The following EIF3H variants were observed in gnomAD, a reference collection of about 807,000 sequenced individuals.
EIF3H encodes the protein eIF-3-gamma.
Under a neutral mutation model 44.2 loss-of-function variants are expected in EIF3H, and 26 were observed. The ratio of observed to expected loss-of-function variants is 0.59; its 90% CI spans 0.43 to 0.82. EIF3H has a LOEUF of 0.82. Ranked by LOEUF, EIF3H falls within the 40% of genes least tolerant of loss-of-function variation. The pLI, the probability that EIF3H is intolerant of heterozygous loss-of-function variation, is 0.00. For synonymous variants in EIF3H, 166 were observed against 151.9 expected (o/e 1.09, Z -0.68); for missense variants, 359 against 432.8 (o/e 0.83, Z 1.51).
intron 1 of EIF3H, among the ~76,000 whole-genome samples, chr8:116,740,234 T>G (rs574194710): frequency 2.0e-5 from 3 of 152,342 alleles, no homozygotes; most frequent in African/African-American, 7.2e-5. Flanking sequence ...AAACACTTCT[T>G]AATTTATGTC....
At chr8:116,684,973 A>T (rs1369352734) in intron 2 of EIF3H, among the ~76,000 whole-genome samples, 1 of 152,228 alleles carries the variant, frequency 6.6e-6, no homozygotes, top group Admixed American at 6.5e-5. Flanking sequence ...ATTTATTCGT[A>T]AGGGATACTT....
At chr8:116,662,276 T>A (rs1813596862) in intron 2 of EIF3H, among the ~76,000 whole-genome samples, 2 of 152,102 alleles carry the variant, frequency 1.3e-5, no homozygotes, top group African/African-American at 4.8e-5. Flanking sequence ...ACTTTTTTTT[T>A]AAGTGCCCTC....
chr8:116,678,123 GCGATTGCA>G (rs1221774090), intron 2 of EIF3H, among the ~76,000 whole-genome samples: 52 of 150,380 alleles, frequency 3.5e-4, no homozygotes, highest in African/African-American at 1.3e-3. Context: ...CCGAGTGCCT[GCGATTGCA>G]GGCGCGCGCC....
intron 3 of EIF3H, among the ~76,000 whole-genome samples, chr8:116,658,013 A>C (rs1218377876): frequency 6.6e-6 from 1 of 152,232 alleles, no homozygotes; most frequent in Non-Finnish European, 1.5e-5. Flanking sequence ...GCAATAGGTG[A>C]TAAAATGAAA....
At chr8:116,694,274 A>G (rs1814229716) in intron 2 of EIF3H, among the ~76,000 whole-genome samples, 1 of 152,188 alleles carries the variant, frequency 6.6e-6, no homozygotes, top group Non-Finnish European at 1.5e-5. Context: ...TCATGCTATA[A>G]AACTTTTAAT....
intron 2 of EIF3H, among the ~76,000 whole-genome samples, chr8:116,680,134 G>C (rs1586452062): frequency 1.6e-5 from 1 of 61,940 alleles, no homozygotes; most frequent in Admixed American, 1.2e-4. Flanking sequence ...GGGCGCCTCT[G>C]CCCGGCCGCC....
At chr8:116,751,858 G>T (rs531889656) in intron 1 of EIF3H, among the ~76,000 whole-genome samples, 1 of 152,280 alleles carries the variant, frequency 6.6e-6, no homozygotes, top group African/African-American at 2.4e-5. Flanking sequence ...CAATTCAGAT[G>T]AGGAAAATGA....
chr8:116,704,920 C>T (rs771220571), intron 2 of EIF3H, among the ~76,000 whole-genome samples: 4 of 152,028 alleles, frequency 2.6e-5, no homozygotes, highest in Non-Finnish European at 5.9e-5. Flanking sequence ...GTGATAGTGG[C>T]CAAAGGTACA....
At chr8:116,724,742 A>G (rs1176236946) in intron 2 of EIF3H, among the ~76,000 whole-genome samples, 1 of 152,210 alleles carries the variant, frequency 6.6e-6, no homozygotes, top group Non-Finnish European at 1.5e-5. Flanking sequence ...TGAGATGATC[A>G]CCTCACATCT....
chr8:116,744,224 A>AAC (rs1032901382), intron 1 of EIF3H, among the ~76,000 whole-genome samples: 20 of 151,710 alleles, frequency 1.3e-4, no homozygotes, highest in African/African-American at 4.8e-4. Flanking sequence ...TAAAAAAAAA[A>AAC]AAAACAAACA....
intron 1 of EIF3H, among the ~76,000 whole-genome samples, chr8:116,733,233 G>C (rs1467587725): frequency 6.6e-6 from 1 of 152,232 alleles, no homozygotes; most frequent in African/African-American, 2.4e-5. Context: ...TTAGGGGGCA[G>C]AGCTTCTCTG....
chr8:116,716,570 TCTTTAA>T (rs149213793), intron 2 of EIF3H, among the ~76,000 whole-genome samples: 165 of 152,208 alleles, frequency 1.1e-3, no homozygotes, highest in African/African-American at 3.8e-3. Context: ...ACTGCCTTAT[TCTTTAA>T]CTTTACAGGA....
Position 116,642,455 on chromosome 8 carries a change from A to G in EIF3H, c.*2551T>C, listed in dbSNP as rs1586426727. On this transcript the variant is annotated 3_prime_UTR_variant, in exon 8 of 8. Transcript: ENST00000521861. The stretch of plus-strand genomic sequence containing the variant: ...ATTATTTTAGTTTAAGTTGATATTA[A>G]AAACACATTGGGAGCAGGAATCCAT... The G allele has an allele frequency of 6.6e-6, 1 of 152,222 alleles. No homozygotes were observed. Among genetic ancestry groups the G allele is most frequent in the Non-Finnish European group, 1.5e-5 (1 of 68,040 alleles). 9.4% of individuals were successfully genotyped at this position (152,222 alleles called of 1,614,324 possible). A position where few individuals can be genotyped will look rare whatever the true frequency, so the allele number is the denominator to read the frequency against.
At chr8:116,649,712 T>C (rs1813358943) in intron 5 of EIF3H, among the ~76,000 whole-genome samples, 2 of 152,190 alleles carry the variant, frequency 1.3e-5, no homozygotes. Context: ...CCAGCCTTAG[T>C]ACTAGAAAAC....
At chr8:116,760,151 C>T (rs1042316639), upstream of EIF3H, among the ~76,000 whole-genome samples, 12 of 152,226 alleles carry the variant, frequency 7.9e-5, no homozygotes, top group Non-Finnish European at 1.8e-4. Flanking sequence ...CTTCATGACT[C>T]TCTGGACTCT....
At chr8:116,698,569 T>C (rs1814312092) in intron 2 of EIF3H, among the ~76,000 whole-genome samples, 1 of 152,234 alleles carries the variant, frequency 6.6e-6, no homozygotes, top group Non-Finnish European at 1.5e-5. Context: ...ACCAAAATGA[T>C]CACAATTAAT....
At chr8:116,696,103 G>T (rs905511697) in intron 2 of EIF3H, among the ~76,000 whole-genome samples, 2 of 152,200 alleles carry the variant, frequency 1.3e-5, no homozygotes, top group African/African-American at 4.8e-5. Flanking sequence ...CATGCTCAGG[G>T]TGTTCTTGGC....
At chr8:116,657,375 A>T in intron 3 of EIF3H, 61 bp from the exon 4 acceptor site, 1 of 1,286,680 alleles carries the variant, frequency 7.8e-7, no homozygotes, top group Non-Finnish European at 1.1e-6. Flanking sequence ...CTTGAATGGC[A>T]TTGGTTCTAG....
At chr8:116,660,423 T>C (rs968861384) in intron 2 of EIF3H, among the ~76,000 whole-genome samples, 1 of 152,210 alleles carries the variant, frequency 6.6e-6, no homozygotes, top group Non-Finnish European at 1.5e-5. Context: ...TCATTACTTG[T>C]AGGAGAAGAA....
Sources: allele counts gnomAD v4.1 joint callset (sites outside exome capture counted in the v4.1 genomes callset), GRCh38; gene constraint gnomAD v4.1.1; transcripts MANE v1.5; gene names NCBI Gene and HGNC (gene_info 2026-07-23, HGNC 2026-07-21).